The following PRKCE variants were observed in gnomAD, a reference collection of about 807,000 sequenced individuals.
The protein encoded by PRKCE is protein kinase C epsilon type.
In PRKCE, 16 loss-of-function variants were observed where a neutral mutation model predicts 85.4. The ratio of observed to expected loss-of-function variants is 0.19; its 90% confidence interval spans 0.13 to 0.28. The LOEUF (loss-of-function observed/expected upper bound fraction) is 0.28, where lower values mean the gene tolerates loss of function less well. Among genes scored for constraint, PRKCE ranks in the 10% least tolerant of loss-of-function variants. The pLI, the probability that PRKCE is intolerant of heterozygous loss-of-function variation, is 1.00. For missense variants in PRKCE, 573 were observed against 975.2 expected (o/e 0.59, Z 5.49); for synonymous variants, 388 against 371.5 (o/e 1.04, Z -0.51).
chr2:46,001,445 G>C lies in PRKCE; in HGVS notation c.865G>C (p.Ala289Pro). 1 of 1,599,438 alleles carries C rather than the reference G, an allele frequency of 6.3e-7. No homozygotes were observed. Among genetic ancestry groups the C allele is most frequent in the Admixed American group, 1.7e-5 (1 of 59,984 alleles). ...NVHRRCETNVAPNCGVDARGI... is the reference protein window; with the variant it reads ...NVHRRCETNVPPNCGVDARGI... Reference sequence around the variant, plus strand: ...TCACCGTCGATGTGAGACCAACGTGGCTCCCAACTGTGGAGTGGATGCCAG... The same window carrying C: ...TCACCGTCGATGTGAGACCAACGTGCCTCCCAACTGTGGAGTGGATGCCAG... Residue 289 changes from alanine to proline, a missense_variant, in exon 7 of 15, where the codon GCT (alanine) becomes CCT (proline). Ala to Pro is a conservative substitution (Grantham distance 27). Around this residue, in one of 11 missense-constraint regions of PRKCE, gnomAD observed 55 missense variants for 128.1 expected, o/e 0.43. Coordinates refer to ENST00000306156, the MANE Select transcript of PRKCE (RefSeq NM_005400.3). The surrounding 1 kb of genome is among the most constrained non-coding windows in gnomAD (Gnocchi z 4.4).
rs749207348 is a variant in PRKCE, at chr2:45,980,303, C to A, written c.615C>A (p.Thr205=). Reference sequence around the variant, plus strand: ...TGTCTTTGCTATTTGCAGTCTGCACCTGCGTGGTCCACAAGCGGTGCCACG... The same window carrying A: ...TGTCTTTGCTATTTGCAGTCTGCACATGCGTGGTCCACAAGCGGTGCCACG... ...GKQGYQCQVC[T]CVVHKRCHEL... is the part of the protein sequence containing the mutation. The change falls in exon 5 of 15, where the codon ACC becomes ACA. Residue 205 remains threonine, a synonymous_variant. Coordinates refer to ENST00000306156, the MANE Select transcript of PRKCE (RefSeq NM_005400.3). The A allele has an allele frequency of 6.3e-7, 1 of 1,599,668 alleles. No homozygotes were observed. Among genetic ancestry groups the A allele is most frequent in the Non-Finnish European group, 8.5e-7 (1 of 1,179,928 alleles).
intron 14 of PRKCE, among the ~76,000 whole-genome samples, chr2:46,178,536 G>A (rs1362361823): frequency 6.6e-6 from 1 of 152,208 alleles, no homozygotes; most frequent in Non-Finnish European, 1.5e-5. Flanking sequence ...ACATCAGTAT[G>A]TGTGTGTAAA....
chr2:45,793,436 C>A (rs894184390), intron 1 of PRKCE, among the ~76,000 whole-genome samples: 1 of 152,186 alleles, frequency 6.6e-6, no homozygotes, highest in Non-Finnish European at 1.5e-5. Context: ...CCCCCAAATC[C>A]TGCTCTTTGG....
rs928785866 is a variant in PRKCE at position 46,044,241 on chromosome 2, G to C, written c.1437+33724G>C. Among the ~76,000 whole-genome samples the C allele has an allele frequency of 3.3e-5, 5 of 152,346 alleles. No homozygotes were observed. The East Asian group carries it at 7.7e-4, about 23-fold the overall frequency. ...GTTGAATGAATGAATGAATGAAAAA[G>C]TCTGGGCTTGGCCCTTACATTCTTA... On this transcript the variant is annotated intron_variant, in intron 10 of 14. Transcript: ENST00000306156.
chr2:46,098,980 A>G lies in PRKCE; in HGVS notation c.1592+12618A>G, dbSNP rs1670962672. Among the ~76,000 whole-genome samples the G allele has an allele frequency of 2.0e-5, 3 of 151,450 alleles. No homozygotes were observed. The South Asian group carries it at 6.3e-4, about 32-fold the overall frequency. ...ACCATAGTGAGCTGAGGTAGTGGAG[A>G]CTACACTTAATTGGCTTTGCTTCCC... On this transcript the variant is annotated intron_variant, in intron 11 of 14. Transcript: ENST00000306156.
intron 5 of PRKCE, among the ~76,000 whole-genome samples, chr2:45,984,129 G>T (rs1252522730): frequency 6.6e-6 from 1 of 151,852 alleles, no homozygotes; most frequent in Non-Finnish European, 1.5e-5. Flanking sequence ...GTAGAGACAG[G>T]GTTTCACCAT....
chr2:45,664,154 G>T (rs1446935587), intron 1 of PRKCE, among the ~76,000 whole-genome samples: 4 of 152,122 alleles, frequency 2.6e-5, no homozygotes, highest in African/African-American at 9.7e-5. Flanking sequence ...TCTTTTGTTT[G>T]TTTATTGATA....
rs917659208 is a variant in PRKCE at position 46,005,891 on chromosome 2, G to T, written c.1063+1253G>T. On this transcript the variant is annotated intron_variant, in intron 8 of 14. Coordinates refer to ENST00000306156, the MANE Select transcript of PRKCE (RefSeq NM_005400.3). ...TAGCTATTTTCCCAGACCAGTTTGG[G>T]GGTTTTCACGTGTTCCTTTCTGAGG... is the stretch of plus-strand genomic sequence containing the variant. Among the ~76,000 whole-genome samples the T allele has an allele frequency of 3.3e-5, 5 of 152,186 alleles. No individual in the cohort carries two copies. The East Asian group carries it at 9.6e-4, about 29-fold the overall frequency.
In PRKCE at chr2:45,976,414, C is replaced by G. The variant is rs1412572505; in HGVS notation, c.413-15C>G. On this transcript the variant is annotated splice_polypyrimidine_tract_variant and intron_variant, in intron 2 of 14. Transcript: ENST00000306156. ...CCCAGACTCCGTTTTCTTCCCTGCTCTTGTCCTTCCCCAGCCCCTAAAGAC... is the reference window on the plus strand; with the variant it reads ...CCCAGACTCCGTTTTCTTCCCTGCTGTTGTCCTTCCCCAGCCCCTAAAGAC... The G allele has an allele frequency of 4.4e-6, 7 of 1,598,340 alleles. No individual in the cohort carries two copies. Among genetic ancestry groups the G allele is most frequent in the East Asian group, 2.2e-5 (1 of 44,862 alleles).
intron 6 of PRKCE, among the ~76,000 whole-genome samples, chr2:45,995,743 A>G (rs1704160898): frequency 6.6e-6 from 1 of 152,084 alleles, no homozygotes; most frequent in Non-Finnish European, 1.5e-5. Flanking sequence ...CATTGTCTTG[A>G]TTACTTCAGC....
intron 11 of PRKCE, among the ~76,000 whole-genome samples, chr2:46,127,510 T>A (rs1279693688): frequency 6.6e-5 from 10 of 152,270 alleles, no homozygotes; most frequent in Non-Finnish European, 1.5e-4. Context: ...GCATTTGTAA[T>A]GCTGGTCATA....
chr2:46,043,602 G>C (rs887854558), intron 10 of PRKCE, among the ~76,000 whole-genome samples: 3 of 152,156 alleles, frequency 2.0e-5, no homozygotes, highest in African/African-American at 2.4e-5. Context: ...ATGAGTTCTT[G>C]GTTGTGTGTT....
In PRKCE at chr2:45,855,122, C is replaced by A. The variant is rs748614957; in HGVS notation, c.412+12059C>A. On this transcript the variant is annotated intron_variant, in intron 2 of 14. Transcript: ENST00000306156. The stretch of plus-strand genomic sequence containing the variant: ...GTTCTTTTTTCTGGTTTTGATGAAC[C>A]AGTGTTTCCATTTGTTCTATTACAA... Among the ~76,000 whole-genome samples the A allele has an allele frequency of 4.5e-3, 681 of 152,188 alleles. 8 individuals carry two copies. Among genetic ancestry groups the A allele is most frequent in the African/African-American group, 0.015 (640 of 41,514 alleles).
At position 46,001,089 on chromosome 2, in the gene PRKCE, C is replaced by A. The variant is rs1416005553; in HGVS notation, c.824-315C>A. 1 of 152,710 alleles carries A rather than the reference C, an allele frequency of 6.5e-6. No homozygotes were observed. The highest frequency in any genetic ancestry group is 1.9e-4 in the East Asian group (1 of 5,238). 9.5% of individuals were successfully genotyped at this position (152,710 alleles called of 1,614,324 possible). On this transcript the variant is annotated intron_variant, in intron 6 of 14. Transcript: ENST00000306156. The surrounding 1 kb of genome is among the most constrained non-coding windows in gnomAD (Gnocchi z 4.4). ...AATTCATTGAATTCAGACTGGAGAT[C>A]TGAAAGATTCCCAGTCCCTGGAGGG...
chr2:46,130,308 A>G (rs1380587841), intron 11 of PRKCE, among the ~76,000 whole-genome samples: 4 of 151,974 alleles, frequency 2.6e-5, no homozygotes, highest in Non-Finnish European at 4.4e-5. Context: ...ATATGCATAC[A>G]TGAATATACT....
At chr2:45,689,039 G>T (rs1213768166) in intron 1 of PRKCE, among the ~76,000 whole-genome samples, 4 of 152,192 alleles carry the variant, frequency 2.6e-5, no homozygotes, top group African/African-American at 9.7e-5. Context: ...AATGTTGTAG[G>T]TATGAATGTG....
Position 46,155,270 on chromosome 2 carries a change from G to A in PRKCE, c.1920+4041G>A, listed in dbSNP as rs1191457233. Among the ~76,000 whole-genome samples the A allele has an allele frequency of 6.6e-6, 1 of 152,210 alleles. No homozygotes were observed. Among genetic ancestry groups the A allele is most frequent in the Non-Finnish European group, 1.5e-5 (1 of 68,034 alleles). On this transcript the variant is annotated intron_variant, in intron 13 of 14. Transcript: ENST00000306156. This position sits in a 1 kb window ranked among gnomAD's most constrained non-coding sequence, Gnocchi z 4.7. ...ATGATTACAACTAGTTCAACTGAGAGCCAAGGAAAACTTTGACCTGGGTGC... is the reference window on the plus strand; with the variant it reads ...ATGATTACAACTAGTTCAACTGAGAACCAAGGAAAACTTTGACCTGGGTGC...
intron 2 of PRKCE, among the ~76,000 whole-genome samples, chr2:45,864,645 A>G (rs950949133): frequency 6.6e-6 from 1 of 152,226 alleles, no homozygotes; most frequent in Non-Finnish European, 1.5e-5. Context: ...ATTTATTCCC[A>G]TACCAAGGGA....
At chr2:45,683,410 C>G (rs997828408) in intron 1 of PRKCE, among the ~76,000 whole-genome samples, 1 of 152,214 alleles carries the variant, frequency 6.6e-6, no homozygotes, top group Non-Finnish European at 1.5e-5. Flanking sequence ...TTTTCAGGCC[C>G]AGTCTCCTTG....
Sources: gnomAD v4.1 joint callset for allele counts (sites outside exome capture counted in the v4.1 genomes callset) on GRCh38, gnomAD v4.1.1 for gene constraint, gnomAD v4.1.1 regional missense constraint, Gnocchi (gnomAD v3.1) non-coding constraint, MANE v1.5 for transcripts, NCBI Gene and HGNC (gene_info 2026-07-23, HGNC 2026-07-21) for gene names.